The following PDE1C variants were observed in gnomAD, a reference collection of about 807,000 sequenced individuals.
PDE1C encodes the protein dual specificity calcium/calmodulin-dependent 3',5'-cyclic nucleotide phosphodiesterase 1C.
Under a neutral mutation model 93.1 loss-of-function variants are expected in PDE1C, and 62 were observed. The ratio of observed to expected loss-of-function variants is 0.67; its 90% CI spans 0.54 to 0.82. The LOEUF is 0.82. PDE1C is among the 40% of genes least tolerant of loss of function. PDE1C has a pLI of 0.00. For synonymous variants in PDE1C, 325 were observed against 310.1 expected, an observed-to-expected ratio of 1.05 and a Z score of -0.50; for missense variants, 742 against 884.6, an observed-to-expected ratio of 0.84 and a Z score of 2.04.
chr7:31,729,142 C>T, the PDE1C span, among the ~76,000 whole-genome samples: 21 of 152,236 alleles, frequency 1.4e-4, no homozygotes, highest in African/African-American at 4.6e-4. Flanking sequence ...AAAACAAATG[C>T]GTAAGTTTTT....
At chr7:32,115,911 T>C (rs556683486) in intron 3 of PDE1C, among the ~76,000 whole-genome samples, 1 of 152,272 alleles carries the variant, frequency 6.6e-6, no homozygotes, top group Admixed American at 6.5e-5. Context: ...AGATGTGACT[T>C]GTCAGCAATC....
chr7:31,994,953 T>C (rs1784547663), intron 2 of PDE1C, among the ~76,000 whole-genome samples: 1 of 152,194 alleles, frequency 6.6e-6, no homozygotes, highest in Admixed American at 6.5e-5. Flanking sequence ...TAAAAGCCTT[T>C]CTACAACAAC....
At chr7:32,244,571 C>T (rs1282129830) in intron 1 of PDE1C, among the ~76,000 whole-genome samples, 1 of 152,088 alleles carries the variant, frequency 6.6e-6, no homozygotes, top group Admixed American at 6.5e-5. Flanking sequence ...ATCTTGGGCA[C>T]GGCTTTCCAA....
intron 13 of PDE1C, among the ~76,000 whole-genome samples, chr7:31,823,861 T>C (rs1464382103): frequency 6.6e-6 from 1 of 152,092 alleles, no homozygotes; most frequent in East Asian, 1.9e-4. Flanking sequence ...CTGGAAAATC[T>C]CAAAGAAGTA....
chr7:31,648,621 T>A, the PDE1C span, among the ~76,000 whole-genome samples: 13 of 152,236 alleles, frequency 8.5e-5, no homozygotes, highest in Non-Finnish European at 1.8e-4. Context: ...AATAACTACA[T>A]GAGCATAAAA....
chr7:32,143,449 G>A (rs1800650776), intron 3 of PDE1C, among the ~76,000 whole-genome samples: 1 of 151,880 alleles, frequency 6.6e-6, no homozygotes, highest in Non-Finnish European at 1.5e-5. Flanking sequence ...TATGCAGGAC[G>A]CAGTGTCACT....
At chr7:31,686,669 G>A in the PDE1C span, 1 of 152,158 alleles carries the variant, frequency 6.6e-6, no homozygotes, top group Non-Finnish European at 1.5e-5. Flanking sequence ...TCAATAAAAT[G>A]GGATGATGAC....
chr7:31,848,507 A>T (rs1214994129), intron 8 of PDE1C, among the ~76,000 whole-genome samples: 1 of 152,104 alleles, frequency 6.6e-6, no homozygotes, highest in Non-Finnish European at 1.5e-5. Context: ...TAATTTTCAG[A>T]ACACATATCA....
intron 1 of PDE1C, among the ~76,000 whole-genome samples, chr7:32,390,455 T>C (rs1476796191): frequency 4.7e-5 from 7 of 147,376 alleles, no homozygotes; most frequent in Non-Finnish European, 4.4e-5. Flanking sequence ...CTACAATGCA[T>C]AGGACAGCTT....
At chr7:32,046,019 G>A (rs7793251) in intron 2 of PDE1C, among the ~76,000 whole-genome samples, 25,553 of 152,020 alleles carry the variant, frequency 0.17, 2,817 homozygotes, top group African/African-American at 0.31. Context: ...ACTGAGCCAC[G>A]TCAAAATCCA....
At chr7:31,787,400 T>C (rs2128651828) in intron 16 of PDE1C, 1 of 152,308 alleles carries the variant, frequency 6.6e-6, no homozygotes, top group Non-Finnish European at 1.5e-5. Context: ...CATAAACTAT[T>C]AGGGCTCATA....
At chr7:32,006,447 G>T (rs1478308738) in intron 2 of PDE1C, among the ~76,000 whole-genome samples, 2 of 152,178 alleles carry the variant, frequency 1.3e-5, no homozygotes, top group Non-Finnish European at 2.9e-5. Context: ...TTCTACAGTG[G>T]TGAATGTTCA....
the PDE1C span, chr7:31,656,365 A>G: frequency 2.9e-5 from 10 of 345,042 alleles, no homozygotes; most frequent in East Asian, 1.5e-3. Context: ...AAGAAAAACA[A>G]CATAGAGTTG....
At chr7:32,091,080 C>T (rs1584745061) in intron 3 of PDE1C, among the ~76,000 whole-genome samples, 1 of 152,218 alleles carries the variant, frequency 6.6e-6, no homozygotes, top group East Asian at 1.9e-4. Context: ...ACAGCAAGGA[C>T]TGTGCCTTTC....
At chr7:32,028,455 A>G (rs1319810542) in intron 2 of PDE1C, among the ~76,000 whole-genome samples, 1 of 152,168 alleles carries the variant, frequency 6.6e-6, no homozygotes, top group African/African-American at 2.4e-5. Flanking sequence ...AGAAAGATTA[A>G]GCTCTATGCC....
chr7:32,035,704 C>G (rs771898109), intron 2 of PDE1C, among the ~76,000 whole-genome samples: 15 of 152,116 alleles, frequency 9.9e-5, no homozygotes, highest in Non-Finnish European at 1.8e-4. Context: ...TTGCCAAAAG[C>G]CAGAAAATCT....
In PDE1C at chr7:31,905,559, A is replaced by G. The variant is rs59705751; in HGVS notation, c.129-24699T>C. 3.4e-3 allele frequency among the ~76,000 whole-genome samples: 511 copies of G among 152,296 alleles called. 4 individuals are homozygous for G. Among genetic ancestry groups the G allele is most frequent in the Admixed American group, 0.024 (369 of 15,278 alleles). ...GAAACTATACAATTTAATGTGCACAAATTTTTATCTTCTTTTAAAGCCCCT... is the reference window on the plus strand; with the variant it reads ...GAAACTATACAATTTAATGTGCACAGATTTTTATCTTCTTTTAAAGCCCCT... On this transcript the variant is annotated intron_variant, in intron 2 of 17. Coordinates refer to ENST00000396191, the MANE Select transcript of PDE1C (RefSeq NM_001191057.4).
chr7:32,396,575 A>T (rs1784844431), intron 1 of PDE1C, among the ~76,000 whole-genome samples: 1 of 152,160 alleles, frequency 6.6e-6, no homozygotes, highest in Admixed American at 6.6e-5. Flanking sequence ...GCATGAAAAA[A>T]TAAGATGAAT....
At chr7:31,742,961 C>T in the PDE1C span, among the ~76,000 whole-genome samples, 1 of 152,204 alleles carries the variant, frequency 6.6e-6, no homozygotes. Flanking sequence ...CTTCAACTCT[C>T]TATCCAAATT....
Sources: gnomAD v4.1 joint callset for allele counts (sites outside exome capture counted in the v4.1 genomes callset) on GRCh38, gnomAD v4.1.1 for gene constraint, MANE v1.5 for transcripts, NCBI Gene and HGNC (gene_info 2026-07-23, HGNC 2026-07-21) for gene names.